The following FAM241A variants were observed in gnomAD, a reference collection of about 807,000 sequenced individuals.
The protein encoded by FAM241A is uncharacterized protein FAM241A.
Under a neutral mutation model 12.2 loss-of-function variants are expected in FAM241A, and 7 were observed. The observed-to-expected ratio is 0.58, with a 90% confidence interval of 0.33 to 1.08. The LOEUF (loss-of-function observed/expected upper bound fraction) is 1.08. Ranked by LOEUF, FAM241A falls within the 50% of genes least tolerant of loss-of-function variation. The pLI is 0.04. For missense variants in FAM241A, 161 were observed against 169.7 expected (o/e 0.95, Z 0.29); for synonymous variants, 74 against 68.2 (o/e 1.08, Z -0.42).
chr4:112,169,867 AT>A (rs1393921009), intron 1 of FAM241A, among the ~76,000 whole-genome samples: 3 of 152,134 alleles, frequency 2.0e-5, no homozygotes, highest in Non-Finnish European at 4.4e-5. Context: ...ATTGTCATGT[AT>A]TTGTTTATCT....
chr4:112,165,897 CTA>C (rs780268581), intron 1 of FAM241A, among the ~76,000 whole-genome samples: 14 of 152,218 alleles, frequency 9.2e-5, no homozygotes, highest in East Asian at 1.9e-4. Flanking sequence ...TTAAAAATAA[CTA>C]AAAGTATAAT....
intron 1 of FAM241A, among the ~76,000 whole-genome samples, chr4:112,179,914 G>GAGATAT (rs1479640205): frequency 1.4e-4 from 17 of 117,768 alleles, no homozygotes; most frequent in African/African-American, 5.9e-4. Flanking sequence ...AAGAAAATGT[G>GAGATAT]ATATATATAT....
chr4:112,176,929 C>T (rs1723833904), intron 1 of FAM241A, among the ~76,000 whole-genome samples: 1 of 152,188 alleles, frequency 6.6e-6, no homozygotes, highest in African/African-American at 2.4e-5. Context: ...AAAGCTCCAT[C>T]TATATTTCTG....
intron 1 of FAM241A, among the ~76,000 whole-genome samples, chr4:112,171,893 G>A (rs996665220): frequency 6.6e-6 from 1 of 151,888 alleles, no homozygotes; most frequent in Admixed American, 6.6e-5. Context: ...AAAATCTTGA[G>A]TTTATATTCA....
At chr4:112,181,931 T>C (rs1723950447) in intron 1 of FAM241A, among the ~76,000 whole-genome samples, 1 of 152,172 alleles carries the variant, frequency 6.6e-6, no homozygotes, top group Admixed American at 6.6e-5. Flanking sequence ...TGTGGCTACA[T>C]TGTGGTATAT....
chr4:112,181,792 G>T (rs377412439), intron 1 of FAM241A, among the ~76,000 whole-genome samples: 1 of 152,226 alleles, frequency 6.6e-6, no homozygotes, highest in African/African-American at 2.4e-5. Flanking sequence ...GCTGATGACA[G>T]AATGAGGCCA....
chr4:112,170,918 C>T (rs1460414454), intron 1 of FAM241A, among the ~76,000 whole-genome samples: 3 of 148,920 alleles, frequency 2.0e-5, no homozygotes, highest in African/African-American at 7.4e-5. Context: ...TTTTGAAGTG[C>T]TCAATGTGCT....
At chr4:112,165,881 G>A (rs1446621800) in intron 1 of FAM241A, among the ~76,000 whole-genome samples, 1 of 152,068 alleles carries the variant, frequency 6.6e-6, no homozygotes, top group East Asian at 1.9e-4. Flanking sequence ...TAATTTAATT[G>A]TACATTTAAA....
rs926056597 is a variant in FAM241A, at chr4:112,188,690, A to G, written c.*1752A>G. On this transcript the variant is annotated 3_prime_UTR_variant, in exon 2 of 2. Transcript: ENST00000309733. ...GTATATCTACATAAAATATCAGTAC[A>G]TTTTTTTCTAATGCTACTGGAAATT... 1 of 152,082 alleles carries G rather than the reference A, an allele frequency of 6.6e-6. No individual in the cohort carries two copies. Among genetic ancestry groups the G allele is most frequent in the Non-Finnish European group, 1.5e-5 (1 of 67,998 alleles). 9.4% of individuals were successfully genotyped at this position (152,082 alleles called of 1,614,324 possible). A position where few individuals can be genotyped will look rare whatever the true frequency, so the allele number is the denominator to read the frequency against.
At chr4:112,164,490 C>G (rs1193124983) in intron 1 of FAM241A, among the ~76,000 whole-genome samples, 1 of 126,274 alleles carries the variant, frequency 7.9e-6, no homozygotes, top group Non-Finnish European at 2.0e-5. Flanking sequence ...GGAGATACAC[C>G]TAATGTAAAT....
In FAM241A at chr4:112,176,723, A is replaced by G. The variant is rs141200969; in HGVS notation, c.154-9970A>G. On this transcript the variant is annotated intron_variant, in intron 1 of 1. Coordinates refer to ENST00000309733, the MANE Select transcript of FAM241A (RefSeq NM_152400.3). The stretch of plus-strand genomic sequence containing the variant: ...TTAGAACACCCCTCTATTTTTATGT[A>G]TGTCTTTAATCATGGACCAAAAAAA... Among the ~76,000 whole-genome samples the G allele has an allele frequency of 3.5e-4, 53 of 152,278 alleles. No homozygotes were observed. The East Asian group carries it at 9.8e-3, about 28-fold the overall frequency.
At chr4:112,155,960 C>G (rs889917362) in intron 1 of FAM241A, among the ~76,000 whole-genome samples, 1 of 152,102 alleles carries the variant, frequency 6.6e-6, no homozygotes, top group Non-Finnish European at 1.5e-5. Context: ...GGTTAAGTAA[C>G]ATAGTGAAAG....
At chr4:112,163,318 TTAAAC>T (rs1319491542) in intron 1 of FAM241A, among the ~76,000 whole-genome samples, 4 of 152,134 alleles carry the variant, frequency 2.6e-5, no homozygotes, top group Non-Finnish European at 5.9e-5. Context: ...TGGGATCTAA[TTAAAC>T]TAAAGAGCTT....
chr4:112,165,489 AT>A (rs1723574554), intron 1 of FAM241A, among the ~76,000 whole-genome samples: 1 of 152,240 alleles, frequency 6.6e-6, no homozygotes. Context: ...AATAGCAAAG[AT>A]TTGGAAGCAA....
chr4:112,154,621 G>T (rs1322495614), intron 1 of FAM241A, among the ~76,000 whole-genome samples: 1 of 151,984 alleles, frequency 6.6e-6, no homozygotes, highest in Non-Finnish European at 1.5e-5. Flanking sequence ...CTAGCATATT[G>T]TCCTGCATAT....
chr4:112,157,657 C>A (rs899681239), intron 1 of FAM241A, among the ~76,000 whole-genome samples: 1 of 151,922 alleles, frequency 6.6e-6, no homozygotes, highest in Admixed American at 6.6e-5. Context: ...AAGTAAAAAT[C>A]GATTTCTTTT....
intron 1 of FAM241A, among the ~76,000 whole-genome samples, chr4:112,177,254 T>C (rs994540283): frequency 6.6e-6 from 1 of 151,100 alleles, no homozygotes; most frequent in Non-Finnish European, 1.5e-5. Context: ...ATAGTGATAC[T>C]CATTTTGCTG....
rs1724169073 is a variant in FAM241A at position 112,191,787 on chromosome 4, T to C, written c.*4849T>C. The C allele has an allele frequency of 6.6e-6, 1 of 152,166 alleles. No homozygotes were observed. Among genetic ancestry groups the C allele is most frequent in the Non-Finnish European group, 1.5e-5 (1 of 68,040 alleles). 9.4% of individuals were successfully genotyped at this position (152,166 alleles called of 1,614,324 possible). On this transcript the variant is annotated 3_prime_UTR_variant, in exon 2 of 2. Transcript: ENST00000309733. ...ACCCTGTGCTTTCCAGGTCAGCACT[T>C]CTCATGCTATATTGCAATAGCTTAT... is the stretch of plus-strand genomic sequence containing the variant.
At chr4:112,177,515 C>T (rs80271714) in intron 1 of FAM241A, among the ~76,000 whole-genome samples, 1 of 152,084 alleles carries the variant, frequency 6.6e-6, no homozygotes, top group Admixed American at 6.6e-5. Flanking sequence ...TTTAATTCCT[C>T]TTAAACTTTA....
Sources: gnomAD v4.1 joint callset for allele counts (sites outside exome capture counted in the v4.1 genomes callset) on GRCh38, gnomAD v4.1.1 for gene constraint, MANE v1.5 for transcripts, NCBI Gene and HGNC (gene_info 2026-07-23, HGNC 2026-07-21) for gene names.